Variants in ATXN1 observed in about 807,000 individuals in gnomAD.
ATXN1 encodes the protein ataxin-1.
A neutral mutation model predicts 56.4 loss-of-function variants in ATXN1; 8 were observed. The observed-to-expected ratio is 0.14, with a 90% CI of 0.08 to 0.26. The LOEUF (loss-of-function observed/expected upper bound fraction) is 0.26. Among genes scored for constraint, ATXN1 ranks in the 10% least tolerant of loss-of-function variants. The pLI, the probability that ATXN1 is intolerant of heterozygous loss-of-function variation, is 1.00. For synonymous variants in ATXN1, 514 were observed against 494.6 expected (o/e 1.04, Z -0.52); for missense variants, 987 against 1,106.5 (o/e 0.89, Z 1.53).
intron 2 of ATXN1, among the ~76,000 whole-genome samples, chr6:16,743,148 C>T (rs1143886): frequency 0.58 from 88,410 of 152,084 alleles, 25,936 homozygotes; most frequent in African/African-American, 0.62. Flanking sequence ...CAGTCTTAGA[C>T]GTTCAAAAAC....
At chr6:16,690,747 T>C (rs1478626354) in intron 2 of ATXN1, among the ~76,000 whole-genome samples, 3 of 151,678 alleles carry the variant, frequency 2.0e-5, no homozygotes, top group East Asian at 3.9e-4. Flanking sequence ...AGAGGGAGAG[T>C]GACCTGCCGA....
In ATXN1 at chr6:16,327,187, G is replaced by A. The variant is rs1192075654; in HGVS notation, c.1124C>T (p.Pro375Leu). 2.4e-5 allele frequency: 38 copies of A among 1,613,868 alleles called. No homozygotes were observed. The highest frequency in any genetic ancestry group is 3.1e-5 in the Non-Finnish European group (36 of 1,180,034). ...CATCACAGAGGCCCGGACCCCCGAA[G>A]GATCACGACTGCTGTAGTCTGAGGG... is the stretch of plus-strand genomic sequence containing the variant. ...PSPSDYSSRD[P>L]SGVRASVMVL... The change falls in exon 7 of 8, where the codon CCT becomes CTT. Residue 375 changes from proline to leucine, a missense_variant. Transcript: ENST00000436367.
chr6:16,541,045 A>T (rs2299082), intron 4 of ATXN1, among the ~76,000 whole-genome samples: 14,430 of 152,112 alleles, frequency 0.095, 869 homozygotes, highest in Non-Finnish European at 0.14. Flanking sequence ...TTTAAAAAAA[A>T]TTTTTTTTAA....
intron 3 of ATXN1, among the ~76,000 whole-genome samples, chr6:16,646,247 C>A (rs2237167): frequency 0.6 from 90,627 of 151,864 alleles, 27,103 homozygotes; most frequent in Middle Eastern, 0.69. Flanking sequence ...ACGTGTCTAC[C>A]ACTCCAGGGA....
intron 4 of ATXN1, among the ~76,000 whole-genome samples, chr6:16,546,001 T>A (rs987756968): frequency 6.6e-6 from 1 of 152,190 alleles, no homozygotes; most frequent in Non-Finnish European, 1.5e-5. Flanking sequence ...TCTCTAATAA[T>A]ATGTACATTA....
intron 2 of ATXN1, among the ~76,000 whole-genome samples, chr6:16,703,001 A>AAAT (rs1170166485): frequency 6.6e-6 from 1 of 152,110 alleles, no homozygotes; most frequent in Non-Finnish European, 1.5e-5. Flanking sequence ...AAAGGAGTAT[A>AAAT]AATCATGCTG....
At chr6:16,690,828 A>C (rs1221988074) in intron 2 of ATXN1, among the ~76,000 whole-genome samples, 1 of 152,150 alleles carries the variant, frequency 6.6e-6, no homozygotes, top group Non-Finnish European at 1.5e-5. Flanking sequence ...ACTGTGGGGC[A>C]GAATCTCCCC....
intron 3 of ATXN1, among the ~76,000 whole-genome samples, chr6:16,621,584 G>A (rs755995585): frequency 9.2e-5 from 14 of 152,156 alleles, no homozygotes; most frequent in Non-Finnish European, 8.8e-5. Flanking sequence ...AGCTGGGTGT[G>A]GTGGTGCACA....
In ATXN1 at chr6:16,306,277, T is replaced by TGATA; in HGVS notation, c.*51_*52insTATC. On this transcript the variant is annotated 3_prime_UTR_variant, in exon 8 of 8. Coordinates refer to ENST00000436367, the MANE Select transcript of ATXN1 (RefSeq NM_001128164.2). The surrounding 1 kb of genome is among the most constrained non-coding windows in gnomAD (Gnocchi z 5.2). ...GTTATTTTAGCCTACAGTACAGTAA[T>TGATA]CTGGATACAAATGATAAGGGAGAGC... 1.3e-6 allele frequency: 2 copies of TGATA among 1,534,406 alleles called. No homozygotes were observed. The highest frequency in any genetic ancestry group is 4.5e-5 in the East Asian group (2 of 44,352).
rs770494841 is a variant in ATXN1 at position 16,326,877 on chromosome 6, C to T, written c.1434G>A (p.Leu478=). The change falls in exon 7 of 8, where the codon CTG becomes CTA. Residue 478 remains leucine (L), a synonymous_variant. Coordinates refer to ENST00000436367, the MANE Select transcript of ATXN1 (RefSeq NM_001128164.2). The surrounding 1 kb of genome is among the most constrained non-coding windows in gnomAD (Gnocchi z 6.6). ...TGCCGGGGATCACCAGGTGCTGGGG[C>T]AGGCTGCCGGCGTAGGTGATTGCTT... is the stretch of plus-strand genomic sequence containing the variant. ...QQQAITYAGS[L]PQHLVIPGTQ... 6 of 1,610,730 alleles carry T rather than the reference C, an allele frequency of 3.7e-6. No individual in the cohort carries two copies. In the Admixed American group the frequency reaches 8.3e-5, roughly 22 times the overall value.
intron 4 of ATXN1, among the ~76,000 whole-genome samples, chr6:16,580,423 C>A (rs1191930882): frequency 1.3e-5 from 2 of 152,114 alleles, no homozygotes; most frequent in Non-Finnish European, 2.9e-5. Context: ...CGAGTTTTGC[C>A]CGCACTTTGA....
chr6:16,383,501 G>C (rs943570099), intron 6 of ATXN1, among the ~76,000 whole-genome samples: 1 of 152,100 alleles, frequency 6.6e-6, no homozygotes, highest in African/African-American at 2.4e-5. Flanking sequence ...GATAATACTG[G>C]ATTTATACTG....
intron 2 of ATXN1, among the ~76,000 whole-genome samples, chr6:16,658,427 A>C (rs1758251155): frequency 6.8e-6 from 1 of 146,462 alleles, no homozygotes. Flanking sequence ...ATAAGTAGGT[A>C]ATGCATGGGT....
intron 2 of ATXN1, among the ~76,000 whole-genome samples, chr6:16,743,986 C>A (rs187311421): frequency 1.3e-5 from 2 of 152,054 alleles, no homozygotes; most frequent in Non-Finnish European, 2.9e-5. Flanking sequence ...CCATGAGAAC[C>A]CAGGGAGGGA....
At chr6:16,740,473 A>C (rs1192700849) in intron 2 of ATXN1, among the ~76,000 whole-genome samples, 1 of 152,148 alleles carries the variant, frequency 6.6e-6, no homozygotes, top group Non-Finnish European at 1.5e-5. Context: ...TCCCATCCAC[A>C]AGGACTTCTC....
At chr6:16,351,882 T>C (rs1326257762) in intron 6 of ATXN1, among the ~76,000 whole-genome samples, 1 of 152,202 alleles carries the variant, frequency 6.6e-6, no homozygotes, top group African/African-American at 2.4e-5. Flanking sequence ...TTCACAGCAT[T>C]TACTTTGGAT....
chr6:16,424,581 T>C (rs1759110335), intron 6 of ATXN1, among the ~76,000 whole-genome samples: 2 of 152,200 alleles, frequency 1.3e-5, no homozygotes, highest in Non-Finnish European at 1.5e-5. Context: ...GGCCATTTTA[T>C]GGGGAATCAA....
At chr6:16,603,995 A>G (rs899845226) in intron 3 of ATXN1, among the ~76,000 whole-genome samples, 13 of 152,140 alleles carry the variant, frequency 8.5e-5, no homozygotes, top group Non-Finnish European at 1.9e-4. Context: ...GAGTGATACT[A>G]TCTCTCCTAG....
chr6:16,522,325 T>C (rs2113696196), intron 5 of ATXN1, among the ~76,000 whole-genome samples: 1 of 152,260 alleles, frequency 6.6e-6, no homozygotes, highest in African/African-American at 2.4e-5. Context: ...GTGCACCAGT[T>C]GCTGAGGGAA....
Sources: allele counts gnomAD v4.1 joint callset (sites outside exome capture counted in the v4.1 genomes callset), GRCh38; gene constraint gnomAD v4.1.1; non-coding constraint Gnocchi (gnomAD v3.1); transcripts MANE v1.5; gene names NCBI Gene and HGNC (gene_info 2026-07-23, HGNC 2026-07-21).